SERGEF: variants seen among roughly 807,000 people sequenced by gnomAD.
SERGEF encodes secretion-regulating guanine nucleotide exchange factor.
A neutral mutation model predicts 50.0 loss-of-function variants in SERGEF; 51 were observed. The observed-to-expected ratio is 1.02, with a 90% CI of 0.81 to 1.29. SERGEF has a LOEUF of 1.29. Ranked by LOEUF, SERGEF falls within the 50% of genes most tolerant of loss-of-function variation. The pLI is 0.00. For synonymous variants in SERGEF, 205 were observed against 212.4 expected, an observed-to-expected ratio of 0.97 and a Z score of 0.30; for missense variants, 521 against 557.0, an observed-to-expected ratio of 0.94 and a Z score of 0.65.
intron 8 of SERGEF, among the ~76,000 whole-genome samples, chr11:17,960,576 C>T (rs1255107716): frequency 6.6e-6 from 1 of 152,148 alleles, no homozygotes; most frequent in Non-Finnish European, 1.5e-5. Context: ...AGACAAAACA[C>T]AGAGCAGTGC....
At chr11:17,957,769 C>A (rs1309615770) in intron 9 of SERGEF, among the ~76,000 whole-genome samples, 1 of 148,780 alleles carries the variant, frequency 6.7e-6, no homozygotes, top group Non-Finnish European at 1.5e-5. Context: ...ATCTAAATGT[C>A]TAATATCCAA....
At chr11:17,920,279 C>T (rs559478067) in intron 9 of SERGEF, among the ~76,000 whole-genome samples, 1 of 152,180 alleles carries the variant, frequency 6.6e-6, no homozygotes, top group South Asian at 2.1e-4. Flanking sequence ...CAGCAACTCA[C>T]ACTTTCCCCA....
chr11:17,984,354 C>T (rs1256392943), intron 8 of SERGEF, among the ~76,000 whole-genome samples: 1 of 152,140 alleles, frequency 6.6e-6, no homozygotes, highest in African/African-American at 2.4e-5. Context: ...GCTTGGACAT[C>T]ATCTGACAAG....
At chr11:17,919,487 G>C (rs1852114071) in intron 9 of SERGEF, among the ~76,000 whole-genome samples, 1 of 152,188 alleles carries the variant, frequency 6.6e-6, no homozygotes, top group South Asian at 2.1e-4. Context: ...GGCAATGTGA[G>C]CAGAAAAGGA....
intron 8 of SERGEF, among the ~76,000 whole-genome samples, chr11:17,968,547 T>A (rs1190434379): frequency 4.0e-5 from 6 of 151,498 alleles, no homozygotes; most frequent in South Asian, 2.1e-4. Context: ...ACAAACAATT[T>A]AAAAAAAACT....
intron 6 of SERGEF, 83 bp from the exon 7 acceptor site, chr11:17,993,076 T>G (rs1403721113): frequency 1.8e-6 from 2 of 1,141,066 alleles, no homozygotes; most frequent in Non-Finnish European, 2.6e-6. Flanking sequence ...CAGTACCACC[T>G]GGGCGTGGGA....
chr11:17,971,883 T>C (rs570779678), intron 8 of SERGEF, among the ~76,000 whole-genome samples: 2 of 152,340 alleles, frequency 1.3e-5, no homozygotes, highest in African/African-American at 2.4e-5. Flanking sequence ...TCATGATTCA[T>C]GGGAAGAGGT....
chr11:17,978,944 T>G (rs1417219085), intron 8 of SERGEF, among the ~76,000 whole-genome samples: 1 of 152,226 alleles, frequency 6.6e-6, no homozygotes, highest in Non-Finnish European at 1.5e-5. Context: ...CTGCTTCTGC[T>G]TCAGGTGCAC....
intron 4 of SERGEF, chr11:18,001,841 C>A: frequency 3.2e-6 from 1 of 312,430 alleles, no homozygotes; most frequent in Non-Finnish European, 6.3e-6. Flanking sequence ...AACTCTATAG[C>A]ATAATCATAA....
chr11:17,887,655 C>T (rs1851455891), intron 9 of SERGEF, among the ~76,000 whole-genome samples: 1 of 152,212 alleles, frequency 6.6e-6, no homozygotes, highest in African/African-American at 2.4e-5. Flanking sequence ...AACTGTCTGG[C>T]AGTATCTACT....
intron 10 of SERGEF, among the ~76,000 whole-genome samples, chr11:17,788,861 A>G (rs1450391148): frequency 6.6e-6 from 1 of 152,072 alleles, no homozygotes; most frequent in African/African-American, 2.4e-5. Context: ...CACTCCATCC[A>G]CCCTGATCTT....
chr11:17,924,301 C>T (rs549090747), intron 9 of SERGEF, among the ~76,000 whole-genome samples: 9 of 152,286 alleles, frequency 5.9e-5, no homozygotes, highest in African/African-American at 1.9e-4. Flanking sequence ...GAAAACTTCA[C>T]AGAGGAGGTA....
intron 10 of SERGEF, among the ~76,000 whole-genome samples, chr11:17,799,465 A>G (rs1431700865): frequency 6.6e-6 from 1 of 152,158 alleles, no homozygotes; most frequent in Admixed American, 6.5e-5. Flanking sequence ...GAACATGCCA[A>G]TCTCCGAGGG....
At chr11:17,926,815 A>C (rs1240293733) in intron 9 of SERGEF, 4 of 456,120 alleles carry the variant, frequency 8.8e-6, no homozygotes, top group Non-Finnish European at 1.8e-5. Context: ...CTAGGAATTC[A>C]TCTCCACATC....
intron 10 of SERGEF, among the ~76,000 whole-genome samples, chr11:17,807,338 C>CA (rs1357052410): frequency 2.1e-4 from 3 of 14,134 alleles, no homozygotes; most frequent in Non-Finnish European, 6.9e-4. Flanking sequence ...TCCCCCCCCA[C>CA]AAAAAAAATT....
chr11:17,837,523 A>G (rs1850422246), intron 10 of SERGEF, among the ~76,000 whole-genome samples: 1 of 151,024 alleles, frequency 6.6e-6, no homozygotes, highest in South Asian at 2.1e-4. Context: ...TCACCATGTG[A>G]TCTCTGCATA....
intron 1 of SERGEF, chr11:18,012,742 A>C: frequency 5.4e-5 from 70 of 1,289,312 alleles, no homozygotes; most frequent in East Asian, 3.7e-4. Flanking sequence ...GCCAGCCGGC[A>C]GGCCCCTAAG....
intron 1 of SERGEF, chr11:18,012,661 T>C: frequency 8.6e-7 from 1 of 1,169,302 alleles, no homozygotes; most frequent in Non-Finnish European, 1.1e-6. Flanking sequence ...TGGAGGGCTC[T>C]CGCGGAACCA....
chr11:17,946,933 G>T (rs1320202147), intron 9 of SERGEF, among the ~76,000 whole-genome samples: 5 of 152,224 alleles, frequency 3.3e-5, no homozygotes, highest in African/African-American at 4.8e-5. Context: ...AGCCCCCAAG[G>T]CTTCTCCAAG....
Sources: gnomAD v4.1 joint callset for allele counts (sites outside exome capture counted in the v4.1 genomes callset) on GRCh38, gnomAD v4.1.1 for gene constraint, MANE v1.5 for transcripts, NCBI Gene and HGNC (gene_info 2026-07-23, HGNC 2026-07-21) for gene names.